STT3B: variants seen among roughly 807,000 people sequenced by gnomAD.
The protein encoded by STT3B is dolichyl-diphosphooligosaccharide--protein glycosyltransferase subunit STT3B.
In STT3B, 29 loss-of-function variants were observed where a neutral mutation model predicts 96.8. The observed-to-expected ratio is 0.30, with a 90% CI of 0.22 to 0.41. STT3B has a LOEUF of 0.41. Among genes scored for constraint, STT3B ranks in the 10% least tolerant of loss-of-function variants. The pLI, the probability that STT3B is intolerant of heterozygous loss-of-function variation, is 1.00. For synonymous variants in STT3B, 367 were observed against 360.0 expected, an observed-to-expected ratio of 1.02 and a Z score of -0.22; for missense variants, 640 against 1,022.3, an observed-to-expected ratio of 0.63 and a Z score of 5.10.
chr3:31,604,232 C>T (rs1206609833), intron 5 of STT3B, among the ~76,000 whole-genome samples: 1 of 151,984 alleles, frequency 6.6e-6, no homozygotes, highest in African/African-American at 2.4e-5. Context: ...GTTTTTTGAA[C>T]ATACTACCTA....
chr3:31,616,857 C>G (rs1699317704), intron 6 of STT3B, 72 bp from the exon 7 acceptor site: 2 of 1,372,400 alleles, frequency 1.5e-6, no homozygotes, highest in African/African-American at 1.4e-5. Context: ...CTAAGAAGCT[C>G]TTTCAAATGA....
At chr3:31,544,049 G>A (rs1037861397) in intron 1 of STT3B, among the ~76,000 whole-genome samples, 1 of 152,174 alleles carries the variant, frequency 6.6e-6, no homozygotes, top group Non-Finnish European at 1.5e-5. Flanking sequence ...ATTCTGATAC[G>A]AAGGAATAGT....
Position 31,532,949 on chromosome 3 carries a change from C to T in STT3B, c.-50C>T, listed in dbSNP as rs900266711. ...GGTCCCCGCCCAGCACCCCTCGCAC[C>T]AGGCGGCGGCGGCGGAGGAGGAGAG... On this transcript the variant is annotated 5_prime_UTR_variant, in exon 1 of 16. Coordinates refer to ENST00000295770, the MANE Select transcript of STT3B (RefSeq NM_178862.3). The T allele has an allele frequency of 1.3e-6, 2 of 1,546,964 alleles. No individual in the cohort carries two copies. Among genetic ancestry groups the T allele is most frequent in the African/African-American group, 1.4e-5 (1 of 70,158 alleles).
At position 31,623,700 on chromosome 3, in the gene STT3B, T is replaced by C; in HGVS notation, c.1566T>C (p.Thr522=). ...CAGGTAAAGTGAGGAAACATGCAACTGAACAGGAAAAAACTGAAGAGGGAT... is the reference window on the plus strand; with the variant it reads ...CAGGTAAAGTGAGGAAACATGCAACCGAACAGGAAAAAACTGAAGAGGGAT... ...DKAGKVRKHA[T]EQEKTEEGLG... is the part of the protein sequence containing the mutation. The change falls in exon 11 of 16, where the codon ACT becomes ACC. Residue 522 remains threonine (T), a synonymous_variant. Coordinates refer to ENST00000295770, the MANE Select transcript of STT3B (RefSeq NM_178862.3). 1 of 1,612,840 alleles carries C rather than the reference T, an allele frequency of 6.2e-7. No individual in the cohort carries two copies. Among genetic ancestry groups the C allele is most frequent in the Non-Finnish European group, 8.5e-7 (1 of 1,179,240 alleles).
intron 1 of STT3B, among the ~76,000 whole-genome samples, chr3:31,559,661 T>C (rs1329442048): frequency 6.6e-6 from 1 of 152,160 alleles, no homozygotes; most frequent in East Asian, 1.9e-4. Context: ...ATCAGAATAA[T>C]GTGTATTCTG....
At chr3:31,560,002 G>A (rs1202839763) in intron 1 of STT3B, among the ~76,000 whole-genome samples, 1 of 151,928 alleles carries the variant, frequency 6.6e-6, no homozygotes, top group Admixed American at 6.6e-5. Flanking sequence ...GTAGGTACTC[G>A]TGCTCACTTT....
At chr3:31,627,104 C>A (rs911785328) in intron 13 of STT3B, among the ~76,000 whole-genome samples, 3 of 152,130 alleles carry the variant, frequency 2.0e-5, no homozygotes, top group East Asian at 1.9e-4. Context: ...ATTATTTATA[C>A]CTGTTTTGCA....
Position 31,580,071 on chromosome 3 carries a change from C to A in STT3B, c.686C>A (p.Ala229Glu). The A allele has an allele frequency of 6.2e-7, 1 of 1,613,228 alleles. No individual in the cohort carries two copies. The highest frequency in any genetic ancestry group is 8.5e-7 in the Non-Finnish European group (1 of 1,179,324). The change falls in exon 3 of 16, where the codon GCA becomes GAA. Residue 229 changes from alanine (A) to glutamate (E), a missense_variant. Around this residue, in one of 8 missense-constraint regions of STT3B, gnomAD observed 267 missense variants for 388.3 expected, o/e 0.69. Coordinates refer to ENST00000295770, the MANE Select transcript of STT3B (RefSeq NM_178862.3). ...GATAATGAAGGCATTGCTATTTTTG[C>A]ACTTCAGTTCACATACTATTTATGG... is the stretch of plus-strand genomic sequence containing the variant. The part of the protein sequence containing the change: ...SFDNEGIAIF[A>E]LQFTYYLWVK...
chr3:31,613,804 T>G (rs1261742655), intron 5 of STT3B, among the ~76,000 whole-genome samples: 1 of 151,980 alleles, frequency 6.6e-6, no homozygotes, highest in Admixed American at 6.6e-5. Flanking sequence ...TTGATTACAT[T>G]TGGGTTTGGG....
intron 1 of STT3B, among the ~76,000 whole-genome samples, chr3:31,567,835 T>A (rs1698040809): frequency 6.6e-6 from 1 of 152,232 alleles, no homozygotes. Flanking sequence ...GCATTTATCA[T>A]TTCTTTGTTT....
At chr3:31,630,195 A>T (rs1005041694) in intron 14 of STT3B, among the ~76,000 whole-genome samples, 1 of 152,232 alleles carries the variant, frequency 6.6e-6, no homozygotes, top group African/African-American at 2.4e-5. Flanking sequence ...AGCAGCAAAC[A>T]GAGAAAAAGT....
chr3:31,603,973 GT>G (rs570453059), intron 5 of STT3B, among the ~76,000 whole-genome samples: 76 of 152,104 alleles, frequency 5.0e-4, no homozygotes, highest in African/African-American at 1.7e-3. Flanking sequence ...ATAAGACTTG[GT>G]TTTTAGTTTA....
chr3:31,537,308 G>A (rs1203276827), intron 1 of STT3B, among the ~76,000 whole-genome samples: 2 of 152,172 alleles, frequency 1.3e-5, no homozygotes, highest in Non-Finnish European at 2.9e-5. Flanking sequence ...ATGACAAAAA[G>A]AGGCTGTTGA....
chr3:31,558,603 T>G (rs938126781), intron 1 of STT3B, among the ~76,000 whole-genome samples: 1 of 152,218 alleles, frequency 6.6e-6, no homozygotes, highest in African/African-American at 2.4e-5. Flanking sequence ...ATTTTGCATC[T>G]GTGTTCATCA....
intron 2 of STT3B, among the ~76,000 whole-genome samples, chr3:31,579,089 T>G (rs1003534323): frequency 1.3e-5 from 2 of 152,136 alleles, no homozygotes; most frequent in African/African-American, 4.8e-5. Flanking sequence ...TGAATCCTTT[T>G]AATATTTGAT....
At chr3:31,576,155 C>G (rs182470750) in intron 1 of STT3B, among the ~76,000 whole-genome samples, 1 of 152,082 alleles carries the variant, frequency 6.6e-6, no homozygotes, top group African/African-American at 2.4e-5. Flanking sequence ...ACCTGGACCC[C>G]AAGCAATGGC....
At chr3:31,541,464 C>CTTTTTTTTT (rs1318453174) in intron 1 of STT3B, among the ~76,000 whole-genome samples, 1 of 118,686 alleles carries the variant, frequency 8.4e-6, no homozygotes. Context: ...CTTTTTTTTT[C>CTTTTTTTTT]TTTTTTTGTT....
intron 1 of STT3B, among the ~76,000 whole-genome samples, chr3:31,568,489 G>A (rs1221292376): frequency 6.6e-6 from 1 of 152,108 alleles, no homozygotes; most frequent in South Asian, 2.1e-4. Context: ...GTATAGGACT[G>A]TTCCCCCTTC....
At chr3:31,559,757 A>G (rs1267123735) in intron 1 of STT3B, among the ~76,000 whole-genome samples, 1 of 152,130 alleles carries the variant, frequency 6.6e-6, no homozygotes, top group Non-Finnish European at 1.5e-5. Flanking sequence ...CTTTGTCTAC[A>G]TGATCTATCT....
Sources: allele counts gnomAD v4.1 joint callset (sites outside exome capture counted in the v4.1 genomes callset), GRCh38; gene constraint gnomAD v4.1.1; regional missense constraint gnomAD v4.1.1; transcripts MANE v1.5; gene names NCBI Gene and HGNC (gene_info 2026-07-23, HGNC 2026-07-21).